Variants in EML4 observed in about 807,000 individuals in gnomAD.
EML4 encodes the protein echinoderm microtubule-associated protein-like 4.
Under a neutral mutation model 129.0 loss-of-function variants are expected in EML4, and 72 were observed. The ratio of observed to expected loss-of-function variants is 0.56; its 90% confidence interval spans 0.46 to 0.68. The LOEUF is 0.68. Ranked by LOEUF, EML4 falls within the 30% of genes least tolerant of loss-of-function variation. EML4 has a pLI of 0.00. For missense variants in EML4, 1,363 were observed against 1,190.6 expected (o/e 1.14, Z -2.13); for synonymous variants, 532 against 405.0 (o/e 1.31, Z -3.77).
In EML4 at chr2:42,250,232, C is replaced by T. The variant is rs186084877; in HGVS notation, c.208+4545C>T. Among the ~76,000 whole-genome samples the T allele has an allele frequency of 5.5e-4, 84 of 152,184 alleles. 1 individual carries two copies. The highest frequency in any genetic ancestry group is 1.9e-3 in the African/African-American group (77 of 41,524). ...AGCATTGTAATTGCCACTTGAGAAA[C>T]GAAAGAACCCAAAGGCAAAATTGAA... On this transcript the variant is annotated intron_variant, in intron 2 of 22. Transcript: ENST00000318522.
rs1355649165 is a variant in EML4, at chr2:42,264,582, C to T, written c.642-124C>T. On this transcript the variant is annotated intron_variant, in intron 5 of 22. Transcript: ENST00000318522. ...TTAAAAAATGCTGATTTCTTACTTT[C>T]ACTTCCAGAGATTTATCTAGATTAT... 7 of 654,310 alleles carry T rather than the reference C, an allele frequency of 1.1e-5. No individual in the cohort carries two copies. The East Asian group carries it at 1.4e-4, about 13-fold the overall frequency. 40.5% of individuals were successfully genotyped at this position (654,310 alleles called of 1,614,324 possible).
rs185044405 is a variant in EML4 at position 42,236,858 on chromosome 2, C to T, written c.26-8647C>T. ...CTTTACGTTTTTGGCCAGTCTGGTACGCATAAGATAGTATTTTGGATGGTT... is the reference window on the plus strand; with the variant it reads ...CTTTACGTTTTTGGCCAGTCTGGTATGCATAAGATAGTATTTTGGATGGTT... On this transcript the variant is annotated intron_variant, in intron 1 of 22. Transcript: ENST00000318522. Among the ~76,000 whole-genome samples the T allele has an allele frequency of 3.0e-3, 455 of 152,206 alleles. 2 individuals are homozygous for T. The highest frequency in any genetic ancestry group is 0.01 in the African/African-American group (436 of 41,528).
chr2:42,253,033 T>C (rs954505757), intron 2 of EML4, among the ~76,000 whole-genome samples: 3 of 152,120 alleles, frequency 2.0e-5, no homozygotes, highest in African/African-American at 7.2e-5. Context: ...AAATATTTGA[T>C]TGGTGCATGG....
chr2:42,265,412 G>C (rs1666001973), intron 6 of EML4, among the ~76,000 whole-genome samples: 2 of 151,960 alleles, frequency 1.3e-5, no homozygotes, highest in Admixed American at 1.3e-4. Flanking sequence ...GCCAATTTTT[G>C]TATTTTTAGT....
At chr2:42,223,589 A>C (rs1558516349) in intron 1 of EML4, among the ~76,000 whole-genome samples, 1 of 152,134 alleles carries the variant, frequency 6.6e-6, no homozygotes, top group African/African-American at 2.4e-5. Context: ...CTTACAAGGA[A>C]GTAACCATTT....
chr2:42,211,952 C>G (rs1188086027), intron 1 of EML4, among the ~76,000 whole-genome samples: 1 of 152,122 alleles, frequency 6.6e-6, no homozygotes, highest in African/African-American at 2.4e-5. Context: ...TCAAACGATT[C>G]TCGTGCGTCA....
chr2:42,196,977 T>G (rs920833993), intron 1 of EML4, among the ~76,000 whole-genome samples: 7 of 152,218 alleles, frequency 4.6e-5, no homozygotes, highest in Non-Finnish European at 7.3e-5. Flanking sequence ...AGTGTTTTTG[T>G]AGGCCCATAG....
intron 1 of EML4, among the ~76,000 whole-genome samples, chr2:42,245,158 A>G (rs1675316346): frequency 8.4e-6 from 1 of 119,260 alleles, no homozygotes; most frequent in African/African-American, 3.3e-5. Flanking sequence ...GCAGTGGTGC[A>G]ATCTCAGCTC....
chr2:42,306,810 T>C (rs901697029), intron 17 of EML4, among the ~76,000 whole-genome samples: 2 of 151,976 alleles, frequency 1.3e-5, no homozygotes, highest in Non-Finnish European at 2.9e-5. Context: ...CTAAATTCTT[T>C]TTATATGTTA....
At chr2:42,199,551 T>A (rs900642119) in intron 1 of EML4, among the ~76,000 whole-genome samples, 1 of 152,206 alleles carries the variant, frequency 6.6e-6, no homozygotes, top group African/African-American at 2.4e-5. Flanking sequence ...GTTATCTCCC[T>A]GTTTTCTGTT....
chr2:42,195,018 A>G (rs1671821532), intron 1 of EML4, among the ~76,000 whole-genome samples: 1 of 152,208 alleles, frequency 6.6e-6, no homozygotes, highest in Non-Finnish European at 1.5e-5. Flanking sequence ...AATCAGTATT[A>G]TATTATAAAA....
chr2:42,283,501 ATTG>A, intron 8 of EML4, among the ~76,000 whole-genome samples: 1 of 152,230 alleles, frequency 6.6e-6, no homozygotes, highest in East Asian at 1.9e-4. Flanking sequence ...GCAATTATTT[ATTG>A]TTTATTAATA....
At chr2:42,266,057 A>C (rs1442533015) in intron 6 of EML4, among the ~76,000 whole-genome samples, 1 of 152,162 alleles carries the variant, frequency 6.6e-6, no homozygotes, top group Admixed American at 6.5e-5. Context: ...TTTCTGTTCT[A>C]TTATAGTAAC....
chr2:42,259,699 T>C (rs554332470), intron 3 of EML4, among the ~76,000 whole-genome samples: 1 of 151,538 alleles, frequency 6.6e-6, no homozygotes, highest in South Asian at 2.1e-4. Context: ...CATCTCTCTT[T>C]CTATGATTTT....
At chr2:42,245,965 G>C (rs902473801) in intron 2 of EML4, among the ~76,000 whole-genome samples, 1 of 152,048 alleles carries the variant, frequency 6.6e-6, no homozygotes, top group East Asian at 1.9e-4. Context: ...AGTTTACTCA[G>C]GGCAGGAACT....
At chr2:42,286,102 A>G (rs1055682785) in intron 9 of EML4, 167 bp from the exon 10 acceptor site, 3 of 654,144 alleles carry the variant, frequency 4.6e-6, no homozygotes, top group Non-Finnish European at 8.4e-6. Flanking sequence ...TTTTCACAGT[A>G]TAAGAAAATA....
intron 17 of EML4, among the ~76,000 whole-genome samples, chr2:42,312,553 C>T (rs1023743178): frequency 7.4e-5 from 9 of 122,130 alleles, no homozygotes; most frequent in African/African-American, 1.0e-4. Flanking sequence ...AATTGCCAAT[C>T]AGAATTTTTT....
chr2:42,312,524 C>T (rs553150374), intron 17 of EML4, among the ~76,000 whole-genome samples: 13 of 151,880 alleles, frequency 8.6e-5, no homozygotes, highest in Admixed American at 5.9e-4. Flanking sequence ...CAGACAATTC[C>T]TTTCTACTGA....
chr2:42,325,005 G>A (rs184214581), intron 19 of EML4, among the ~76,000 whole-genome samples: 1 of 152,142 alleles, frequency 6.6e-6, no homozygotes, highest in African/African-American at 2.4e-5. Context: ...CCATATACGG[G>A]TGCTGTATTC....
Sources: allele counts gnomAD v4.1 joint callset (sites outside exome capture counted in the v4.1 genomes callset), GRCh38; gene constraint gnomAD v4.1.1; transcripts MANE v1.5; gene names NCBI Gene and HGNC (gene_info 2026-07-23, HGNC 2026-07-21).